Variants in NXPH1 observed in about 807,000 individuals in gnomAD.
The protein encoded by NXPH1 is neurexophilin-1.
A neutral mutation model predicts 23.7 loss-of-function variants in NXPH1; 5 were observed. The ratio of observed to expected loss-of-function variants is 0.21; its 90% CI spans 0.11 to 0.44. The LOEUF (loss-of-function observed/expected upper bound fraction) is 0.44, where lower values mean the gene tolerates loss of function less well. Among genes scored for constraint, NXPH1 ranks in the 20% least tolerant of loss-of-function variants. The pLI is 0.99. For missense variants in NXPH1, 324 were observed against 321.6 expected, an observed-to-expected ratio of 1.01 and a Z score of -0.06; for synonymous variants, 144 against 122.2, an observed-to-expected ratio of 1.18 and a Z score of -1.18.
At chr7:8,622,394 C>T (rs1404762897) in intron 2 of NXPH1, among the ~76,000 whole-genome samples, 1 of 152,100 alleles carries the variant, frequency 6.6e-6, no homozygotes, top group Non-Finnish European at 1.5e-5. Flanking sequence ...AATTCAGGTC[C>T]TTCAATTATA....
chr7:8,537,165 C>A (rs1380211383), intron 2 of NXPH1, among the ~76,000 whole-genome samples: 2 of 151,882 alleles, frequency 1.3e-5, no homozygotes, highest in Non-Finnish European at 2.9e-5. Context: ...ATTACCTGGA[C>A]GGATGAACGG....
intron 2 of NXPH1, among the ~76,000 whole-genome samples, chr7:8,580,368 A>G (rs1486367014): frequency 1.3e-5 from 2 of 152,138 alleles, no homozygotes; most frequent in Non-Finnish European, 2.9e-5. Flanking sequence ...ACAGGATGTT[A>G]CTAACATCCA....
intron 2 of NXPH1, among the ~76,000 whole-genome samples, chr7:8,706,147 G>C (rs1435927378): frequency 6.6e-6 from 1 of 152,172 alleles, no homozygotes; most frequent in East Asian, 1.9e-4. Context: ...AACTTCTGCA[G>C]TTAACTAACC....
At chr7:8,709,006 A>C (rs897155928) in intron 2 of NXPH1, among the ~76,000 whole-genome samples, 2 of 152,168 alleles carry the variant, frequency 1.3e-5, no homozygotes, top group Non-Finnish European at 2.9e-5. Flanking sequence ...ACCATGACCA[A>C]ATAGTGTCCT....
At chr7:8,507,173 T>C (rs1456481640) in intron 2 of NXPH1, among the ~76,000 whole-genome samples, 2 of 151,578 alleles carry the variant, frequency 1.3e-5, no homozygotes, top group East Asian at 3.9e-4. Context: ...GGTTTAGCTA[T>C]GGGTTATATT....
chr7:8,466,735 C>A (rs1044205618), intron 2 of NXPH1, among the ~76,000 whole-genome samples: 1 of 152,086 alleles, frequency 6.6e-6, no homozygotes, highest in African/African-American at 2.4e-5. Flanking sequence ...CTTGAAGAAA[C>A]TTTGGGAAGT....
chr7:8,476,451 C>T (rs1046684596), intron 2 of NXPH1, among the ~76,000 whole-genome samples: 17 of 151,674 alleles, frequency 1.1e-4, no homozygotes, highest in Admixed American at 7.2e-4. Flanking sequence ...TGAGTTTAGA[C>T]GCAATTCATT....
chr7:8,526,932 CAG>C (rs1448092721), intron 2 of NXPH1, among the ~76,000 whole-genome samples: 2 of 152,130 alleles, frequency 1.3e-5, no homozygotes, highest in Non-Finnish European at 2.9e-5. Flanking sequence ...TCTTGGAAGA[CAG>C]GGGCTATCAT....
In NXPH1 at chr7:8,662,022, T is replaced by C. The variant is rs555029795; in HGVS notation, c.55-88986T>C. Among the ~76,000 whole-genome samples, 11 of 152,156 alleles carry C rather than the reference T, an allele frequency of 7.2e-5. No individual in the cohort carries two copies. In the South Asian group the frequency reaches 2.1e-3, roughly 29 times the overall value. On this transcript the variant is annotated intron_variant, in intron 2 of 2. Coordinates refer to ENST00000405863, the MANE Select transcript of NXPH1 (RefSeq NM_152745.3). ...AGTCTTTTGTAAATTAAACAAAATA[T>C]ATCAAGTAAGTTAAAATATAAAGAC...
chr7:8,676,932 T>C (rs899676565), intron 2 of NXPH1, among the ~76,000 whole-genome samples: 1 of 152,230 alleles, frequency 6.6e-6, no homozygotes, highest in Non-Finnish European at 1.5e-5. Flanking sequence ...TATATGGGCT[T>C]ATGCAGAAAT....
At chr7:8,567,592 A>G (rs1818567857) in intron 2 of NXPH1, among the ~76,000 whole-genome samples, 1 of 151,960 alleles carries the variant, frequency 6.6e-6, no homozygotes, top group African/African-American at 2.4e-5. Context: ...AAAAACATGA[A>G]ACTATAAAGC....
chr7:8,602,937 A>C (rs1050832740), intron 2 of NXPH1, among the ~76,000 whole-genome samples: 8 of 151,854 alleles, frequency 5.3e-5, no homozygotes, highest in Admixed American at 4.6e-4. Context: ...TAGCCTCCCG[A>C]GTAGCTGGGA....
At chr7:8,663,870 A>G (rs1820718887) in intron 2 of NXPH1, among the ~76,000 whole-genome samples, 1 of 151,986 alleles carries the variant, frequency 6.6e-6, no homozygotes, top group African/African-American at 2.4e-5. Flanking sequence ...TTACCCTCTA[A>G]TCGTAATCCT....
At chr7:8,450,540 T>G (rs1816489695) in intron 2 of NXPH1, among the ~76,000 whole-genome samples, 1 of 152,240 alleles carries the variant, frequency 6.6e-6, no homozygotes. Flanking sequence ...TTTATCTATT[T>G]CTGAAAAATA....
chr7:8,555,675 G>C (rs913675334), intron 2 of NXPH1, among the ~76,000 whole-genome samples: 12 of 151,762 alleles, frequency 7.9e-5, no homozygotes, highest in African/African-American at 2.9e-4. Context: ...TGTTCGTCTT[G>C]GCAAGGACCC....
intron 2 of NXPH1, among the ~76,000 whole-genome samples, chr7:8,727,094 G>T (rs1456273820): frequency 5.4e-5 from 8 of 148,372 alleles, no homozygotes; most frequent in Admixed American, 1.3e-4. Context: ...CAGTGATGGT[G>T]AGCATTTTTT....
chr7:8,567,212 G>C (rs1357966036), intron 2 of NXPH1, among the ~76,000 whole-genome samples: 1 of 151,576 alleles, frequency 6.6e-6, no homozygotes, highest in Non-Finnish European at 1.5e-5. Flanking sequence ...AGTTCTTTTG[G>C]GTTTTCTAGA....
chr7:8,591,329 G>A (rs1819089452), intron 2 of NXPH1, among the ~76,000 whole-genome samples: 2 of 151,940 alleles, frequency 1.3e-5, no homozygotes, highest in Non-Finnish European at 2.9e-5. Context: ...AGTAAGTGGT[G>A]GATCTAAGAT....
chr7:8,479,784 G>T (rs1817042622), intron 2 of NXPH1, among the ~76,000 whole-genome samples: 1 of 151,986 alleles, frequency 6.6e-6, no homozygotes, highest in African/African-American at 2.4e-5. Flanking sequence ...ACCTCCAATT[G>T]GGACAATTTA....
Sources: gnomAD v4.1 joint callset for allele counts (sites outside exome capture counted in the v4.1 genomes callset) on GRCh38, gnomAD v4.1.1 for gene constraint, MANE v1.5 for transcripts, NCBI Gene and HGNC (gene_info 2026-07-23, HGNC 2026-07-21) for gene names.